DCDC2: variants seen among roughly 807,000 people sequenced by gnomAD.
DCDC2 encodes doublecortin domain-containing protein 2.
In DCDC2, 40 loss-of-function variants were observed where a neutral mutation model predicts 50.2. The observed-to-expected ratio is 0.80, with a 90% CI of 0.62 to 1.04. The LOEUF (loss-of-function observed/expected upper bound fraction) is 1.04, where lower values mean the gene tolerates loss of function less well. DCDC2 is among the 50% of genes least tolerant of loss of function. The pLI is 0.00. For missense variants in DCDC2, 570 were observed against 581.9 expected (o/e 0.98, Z 0.21); for synonymous variants, 234 against 210.6 (o/e 1.11, Z -0.96).
At chr6:24,300,256 G>T (rs1347846033) in intron 4 of DCDC2, among the ~76,000 whole-genome samples, 1 of 151,866 alleles carries the variant, frequency 6.6e-6, no homozygotes, top group Non-Finnish European at 1.5e-5. Context: ...AAAGCTAGAC[G>T]TTGTGGTGCA....
In DCDC2 at chr6:24,288,921, T is replaced by A; in HGVS notation, c.705-15A>T. 6.3e-7 allele frequency: 1 copy of A among 1,583,322 alleles called. No homozygotes were observed. Among genetic ancestry groups the A allele is most frequent in the Non-Finnish European group, 8.6e-7 (1 of 1,166,068 alleles). On this transcript the variant is annotated splice_polypyrimidine_tract_variant and intron_variant, in intron 5 of 9. Coordinates refer to ENST00000378454, the MANE Select transcript of DCDC2 (RefSeq NM_016356.5). Reference sequence around the variant, plus strand: ...AAGCTTTCTGACTGTGGAAACAAATTGCAATTTAGAAATCTGAATGTTGTT... The same window carrying A: ...AAGCTTTCTGACTGTGGAAACAAATAGCAATTTAGAAATCTGAATGTTGTT...
At chr6:24,341,613 G>A (rs900097439) in intron 2 of DCDC2, among the ~76,000 whole-genome samples, 1 of 151,778 alleles carries the variant, frequency 6.6e-6, no homozygotes, top group Non-Finnish European at 1.5e-5. Flanking sequence ...TCCTACTTTC[G>A]AGACATGGAC....
At chr6:24,340,468 C>T (rs1760134815) in intron 2 of DCDC2, among the ~76,000 whole-genome samples, 1 of 152,060 alleles carries the variant, frequency 6.6e-6, no homozygotes, top group African/African-American at 2.4e-5. Flanking sequence ...GCAAAACAAG[C>T]TATGCATTTG....
chr6:24,313,258 A>G (rs1463012115), intron 2 of DCDC2, among the ~76,000 whole-genome samples: 1 of 152,194 alleles, frequency 6.6e-6, no homozygotes, highest in Non-Finnish European at 1.5e-5. Flanking sequence ...GTAAATGCCC[A>G]TGGGTTTCCC....
At chr6:24,187,192 T>A (rs1761223322) in intron 8 of DCDC2, among the ~76,000 whole-genome samples, 1 of 152,094 alleles carries the variant, frequency 6.6e-6, no homozygotes, top group African/African-American at 2.4e-5. Flanking sequence ...GGAAGTTGGG[T>A]TCCTCAACAA....
At chr6:24,269,880 C>T (rs1397609198) in intron 7 of DCDC2, among the ~76,000 whole-genome samples, 2 of 151,992 alleles carry the variant, frequency 1.3e-5, no homozygotes, top group Non-Finnish European at 2.9e-5. Context: ...CCCATTATTA[C>T]ATCAGACTGC....
At chr6:24,358,512 TAAAAAAAAAAA>T (rs966038766), upstream of DCDC2, among the ~76,000 whole-genome samples, 7 of 75,906 alleles carry the variant, frequency 9.2e-5, no homozygotes, top group East Asian at 6.4e-4. Flanking sequence ...TCTCTACAAT[TAAAAAAAAAAA>T]AAAAAAAAAA....
upstream of DCDC2, among the ~76,000 whole-genome samples, chr6:24,358,957 A>ATT (rs1360250654): frequency 9.8e-4 from 54 of 54,860 alleles, 1 homozygote; most frequent in African/African-American, 4.0e-3. Context: ...TATATTATAT[A>ATT]TTATATATTA....
At chr6:24,267,230 TTTTG>T (rs886979676) in intron 7 of DCDC2, among the ~76,000 whole-genome samples, 1 of 152,178 alleles carries the variant, frequency 6.6e-6, no homozygotes, top group Non-Finnish European at 1.5e-5. Flanking sequence ...GAATAAGAGC[TTTTG>T]TTTGTCAACA....
chr6:24,246,301 A>G (rs1762669504), intron 7 of DCDC2, among the ~76,000 whole-genome samples: 1 of 152,098 alleles, frequency 6.6e-6, no homozygotes, highest in Non-Finnish European at 1.5e-5. Flanking sequence ...TTCAAGGGTT[A>G]TTTTTATTTT....
the DCDC2 span, among the ~76,000 whole-genome samples, chr6:24,378,933 C>T: frequency 1.1e-5 from 1 of 89,934 alleles, no homozygotes; most frequent in Admixed American, 1.6e-4. Context: ...GCCTGGGCAA[C>T]AAAGGAGACC....
At chr6:24,175,928 T>C (rs940421469) in intron 9 of DCDC2, among the ~76,000 whole-genome samples, 5 of 152,176 alleles carry the variant, frequency 3.3e-5, no homozygotes, top group Admixed American at 3.3e-4. Flanking sequence ...CAAGATAAAA[T>C]ATATCATTGT....
At chr6:24,319,808 G>T (rs889568677) in intron 2 of DCDC2, among the ~76,000 whole-genome samples, 2 of 152,164 alleles carry the variant, frequency 1.3e-5, no homozygotes, top group Non-Finnish European at 2.9e-5. Flanking sequence ...TGGGTAGTGT[G>T]TGGGTAGGAA....
intron 7 of DCDC2, among the ~76,000 whole-genome samples, chr6:24,244,050 T>TC (rs1472911120): frequency 6.6e-6 from 1 of 152,172 alleles, no homozygotes; most frequent in East Asian, 1.9e-4. Flanking sequence ...ACTACTCACC[T>TC]CCTAACCAAC....
At chr6:24,356,568 AT>A (rs1264351079) in intron 1 of DCDC2, among the ~76,000 whole-genome samples, 1 of 152,186 alleles carries the variant, frequency 6.6e-6, no homozygotes, top group Non-Finnish European at 1.5e-5. Context: ...TAAAAAAAAA[AT>A]GGAATGTAAA....
At chr6:24,333,433 G>A (rs144925467) in intron 2 of DCDC2, among the ~76,000 whole-genome samples, 69 of 152,208 alleles carry the variant, frequency 4.5e-4, no homozygotes, top group African/African-American at 1.7e-3. Flanking sequence ...TACGTCTTAT[G>A]TTGCAATCCA....
chr6:24,341,927 C>T (rs779504810), intron 2 of DCDC2, among the ~76,000 whole-genome samples: 3 of 135,134 alleles, frequency 2.2e-5, no homozygotes, highest in South Asian at 2.6e-4. Context: ...TGTAAGAGGG[C>T]GCACGCATGT....
Position 24,182,955 on chromosome 6 carries a change from T to C in DCDC2, c.1024-4323A>G, listed in dbSNP as rs1231507941. On this transcript the variant is annotated intron_variant, in intron 8 of 9. Coordinates refer to ENST00000378454, the MANE Select transcript of DCDC2 (RefSeq NM_016356.5). ...ATCAAAATGCAGTATATCCATACAA[T>C]GGAGTATCATTCAGCCTTACAAAGA... Among the ~76,000 whole-genome samples the C allele has an allele frequency of 5.3e-5, 8 of 152,298 alleles. No individual in the cohort carries two copies. The East Asian group carries it at 7.7e-4, about 15-fold the overall frequency.
chr6:24,202,140 C>T (rs1253963828), intron 8 of DCDC2, among the ~76,000 whole-genome samples: 1 of 152,168 alleles, frequency 6.6e-6, no homozygotes, highest in Non-Finnish European at 1.5e-5. Context: ...TTTTATGAGG[C>T]CAGCATCATC....
Sources: gnomAD v4.1 joint callset for allele counts (sites outside exome capture counted in the v4.1 genomes callset) on GRCh38, gnomAD v4.1.1 for gene constraint, MANE v1.5 for transcripts, NCBI Gene and HGNC (gene_info 2026-07-23, HGNC 2026-07-21) for gene names.